The following LINGO2 variants were observed in gnomAD, a reference collection of about 807,000 sequenced individuals.
LINGO2 encodes the protein leucine-rich repeat and immunoglobulin-like domain-containing nogo receptor-interacting protein 2.
In LINGO2, 14 loss-of-function variants were observed where a neutral mutation model predicts 30.6. That is an observed-to-expected ratio of 0.46 (90% CI 0.30 to 0.72). The LOEUF is 0.72. Among genes scored for constraint, LINGO2 ranks in the 30% least tolerant of loss-of-function variants. The pLI, the probability that LINGO2 is intolerant of heterozygous loss-of-function variation, is 0.07. For missense variants in LINGO2, 729 were observed against 751.7 expected, an observed-to-expected ratio of 0.97 and a Z score of 0.35; for synonymous variants, 317 against 288.5, an observed-to-expected ratio of 1.10 and a Z score of -1.00.
chr9:28,848,243 TATATATACGC>T, the LINGO2 span, among the ~76,000 whole-genome samples: 2 of 113,262 alleles, frequency 1.8e-5, no homozygotes, highest in Admixed American at 1.9e-4. Flanking sequence ...ATATACACAC[TATATATACGC>T]ATATATAGTG....
intron 2 of LINGO2, among the ~76,000 whole-genome samples, chr9:28,468,997 C>T (rs1371889978): frequency 2.0e-5 from 3 of 151,914 alleles, no homozygotes; most frequent in Non-Finnish European, 4.4e-5. Context: ...CTAGATAAGA[C>T]TTTAAAATAA....
At chr9:28,512,618 TATATATATATATATATATACAC>T (rs1820448107) in intron 1 of LINGO2, among the ~76,000 whole-genome samples, 3 of 104,556 alleles carry the variant, frequency 2.9e-5, no homozygotes, top group African/African-American at 9.2e-5. Flanking sequence ...TATATATATA[TATATATATATATATATATACAC>T]ACATACATAC....
rs138977097 is a variant in LINGO2, at chr9:28,338,933, T to TAACA, written c.-246+33899_-246+33902dup. 7.5e-3 allele frequency among the ~76,000 whole-genome samples: 1,146 copies of TAACA among 151,826 alleles called. 63 individuals are homozygous for TAACA. In the East Asian group the frequency reaches 0.15, roughly 20 times the overall value. ...CATCCACTAACATACAAAGCAAAAT[T>TAACA]AACAAACAAACAAACAAACAAACGT... On this transcript the variant is annotated intron_variant, in intron 3 of 5. Transcript: ENST00000379992.
At chr9:28,109,397 C>A (rs566456082) in intron 4 of LINGO2, among the ~76,000 whole-genome samples, 20 of 152,212 alleles carry the variant, frequency 1.3e-4, no homozygotes, top group African/African-American at 4.8e-4. Context: ...CTGGCCAGGA[C>A]AATCAGGCAA....
intron 3 of LINGO2, among the ~76,000 whole-genome samples, chr9:28,314,715 T>G (rs1457986978): frequency 6.6e-6 from 1 of 152,146 alleles, no homozygotes; most frequent in African/African-American, 2.4e-5. Flanking sequence ...CCGGGCGCGG[T>G]GGCTCACGCC....
the LINGO2 span, among the ~76,000 whole-genome samples, chr9:28,712,206 A>G: frequency 6.6e-6 from 1 of 152,142 alleles, no homozygotes; most frequent in Admixed American, 6.6e-5. Flanking sequence ...GTAGTGACAC[A>G]TTTATATCGC....
intron 2 of LINGO2, among the ~76,000 whole-genome samples, chr9:28,417,383 A>G (rs2134855144): frequency 6.6e-6 from 1 of 152,214 alleles, no homozygotes; most frequent in Non-Finnish European, 1.5e-5. Flanking sequence ...ACTTTAACAT[A>G]TTTTATTTGT....
At chr9:28,840,008 G>A in the LINGO2 span, among the ~76,000 whole-genome samples, 1 of 149,456 alleles carries the variant, frequency 6.7e-6, no homozygotes. Flanking sequence ...CCAAGTGCAG[G>A]CACACCCAAC....
At chr9:28,078,368 T>G (rs1563961442) in intron 4 of LINGO2, among the ~76,000 whole-genome samples, 1 of 149,018 alleles carries the variant, frequency 6.7e-6, no homozygotes, top group Non-Finnish European at 1.5e-5. Context: ...ATTAAAGGAC[T>G]GATTAGGACA....
chr9:28,103,142 T>C (rs372368775), intron 4 of LINGO2, among the ~76,000 whole-genome samples: 11 of 152,302 alleles, frequency 7.2e-5, no homozygotes, highest in African/African-American at 2.4e-4. Flanking sequence ...TTCTGTTAAC[T>C]TAAGGTGTTT....
chr9:28,153,862 A>G (rs1828063407), intron 4 of LINGO2, among the ~76,000 whole-genome samples: 1 of 152,214 alleles, frequency 6.6e-6, no homozygotes, highest in African/African-American at 2.4e-5. Context: ...TAGGAAGGAA[A>G]AAAGATGAGC....
At chr9:28,089,720 A>C (rs563514973) in intron 4 of LINGO2, among the ~76,000 whole-genome samples, 1 of 152,350 alleles carries the variant, frequency 6.6e-6, no homozygotes, top group Non-Finnish European at 1.5e-5. Context: ...AGATCAGAAC[A>C]GAACTGAAGG....
chr9:29,199,076 T>C, the LINGO2 span, among the ~76,000 whole-genome samples: 1 of 152,014 alleles, frequency 6.6e-6, no homozygotes. Context: ...TGCGGGCCTG[T>C]GGGAGGCAGA....
intron 4 of LINGO2, among the ~76,000 whole-genome samples, chr9:28,277,768 A>G (rs1156379606): frequency 6.6e-6 from 1 of 151,544 alleles, no homozygotes; most frequent in East Asian, 1.9e-4. Context: ...GTTAGCCTAG[A>G]TGGTGCCACG....
At chr9:28,123,105 G>A (rs562744602) in intron 4 of LINGO2, among the ~76,000 whole-genome samples, 31 of 151,876 alleles carry the variant, frequency 2.0e-4, no homozygotes, top group Non-Finnish European at 2.9e-5. Context: ...ATTTTTTGTT[G>A]AGATCAAAGT....
intron 1 of LINGO2, among the ~76,000 whole-genome samples, chr9:28,643,366 A>G (rs566396286): frequency 6.5e-4 from 99 of 152,110 alleles, no homozygotes; most frequent in Non-Finnish European, 1.3e-3. Context: ...AACAGAATAG[A>G]AGACCCCAGA....
chr9:28,894,291 G>A, the LINGO2 span, among the ~76,000 whole-genome samples: 1 of 151,968 alleles, frequency 6.6e-6, no homozygotes, highest in Non-Finnish European at 1.5e-5. Context: ...ATTCTATATG[G>A]TTGCTGTTAT....
At chr9:28,025,436 C>A (rs1216680487) in intron 4 of LINGO2, among the ~76,000 whole-genome samples, 1 of 152,154 alleles carries the variant, frequency 6.6e-6, no homozygotes, top group Non-Finnish European at 1.5e-5. Context: ...CATTTCATAC[C>A]TCAGTGGACA....
intron 1 of LINGO2, among the ~76,000 whole-genome samples, chr9:28,595,711 C>A (rs929002695): frequency 3.9e-5 from 6 of 151,996 alleles, no homozygotes; most frequent in African/African-American, 1.2e-4. Flanking sequence ...ACAATTTCAC[C>A]TATAAACTAC....
Sources: allele counts gnomAD v4.1 joint callset (sites outside exome capture counted in the v4.1 genomes callset), GRCh38; gene constraint gnomAD v4.1.1; transcripts MANE v1.5; gene names NCBI Gene and HGNC (gene_info 2026-07-23, HGNC 2026-07-21).